The following CDH12 variants were observed in gnomAD, a reference collection of about 807,000 sequenced individuals.
CDH12 encodes the protein cadherin-12.
In CDH12, 41 loss-of-function variants were observed where a neutral mutation model predicts 74.1. The ratio of observed to expected loss-of-function variants is 0.55; its 90% CI spans 0.43 to 0.72. The LOEUF (loss-of-function observed/expected upper bound fraction) is 0.72, where lower values mean the gene tolerates loss of function less well. Among genes scored for constraint, CDH12 ranks in the 30% least tolerant of loss-of-function variants. The probability of loss-of-function intolerance (pLI) is 0.00; values close to 1 mark genes in which losing one functional copy is unlikely to be tolerated. For synonymous variants in CDH12, 399 were observed against 355.0 expected, an observed-to-expected ratio of 1.12 and a Z score of -1.39; for missense variants, 945 against 977.2, an observed-to-expected ratio of 0.97 and a Z score of 0.44.
chr5:22,206,610 G>A (rs531662395), intron 4 of CDH12, among the ~76,000 whole-genome samples: 1 of 133,884 alleles, frequency 7.5e-6, no homozygotes, highest in Admixed American at 8.5e-5. Context: ...AAGTCACATA[G>A]CAGTTGATTC....
At chr5:21,945,427 CAAAAAA>C (rs1167475672) in intron 6 of CDH12, among the ~76,000 whole-genome samples, 555 of 15,098 alleles carry the variant, frequency 0.037, no homozygotes, top group Non-Finnish European at 0.047. Context: ...CTGTTTCAGA[CAAAAAA>C]AAAAAAAAAA....
intron 5 of CDH12, among the ~76,000 whole-genome samples, chr5:21,976,659 A>G (rs1757084810): frequency 6.6e-6 from 1 of 151,912 alleles, no homozygotes; most frequent in Admixed American, 6.6e-5. Context: ...TGATTTCAGT[A>G]TCCAAATTTT....
At chr5:22,266,712 T>G (rs1736133408) in intron 3 of CDH12, among the ~76,000 whole-genome samples, 1 of 152,124 alleles carries the variant, frequency 6.6e-6, no homozygotes, top group Non-Finnish European at 1.5e-5. Flanking sequence ...GAGTATTTTA[T>G]GCTACTGATT....
At chr5:22,463,007 G>T (rs1004833776) in intron 2 of CDH12, among the ~76,000 whole-genome samples, 4 of 152,082 alleles carry the variant, frequency 2.6e-5, no homozygotes, top group African/African-American at 7.2e-5. Context: ...AAACACCTAT[G>T]GTTCCAGTAA....
intron 1 of CDH12, among the ~76,000 whole-genome samples, chr5:22,528,570 G>C (rs187806640): frequency 1.7e-4 from 26 of 152,142 alleles, no homozygotes; most frequent in Admixed American, 1.2e-3. Context: ...ACTCCTTCAG[G>C]GGACACGTAG....
intron 1 of CDH12, among the ~76,000 whole-genome samples, chr5:22,722,064 C>T (rs1454468435): frequency 6.6e-6 from 1 of 152,148 alleles, no homozygotes; most frequent in Non-Finnish European, 1.5e-5. Flanking sequence ...CATATGTCAC[C>T]TTTTCTCTTT....
intron 4 of CDH12, among the ~76,000 whole-genome samples, chr5:22,163,132 C>T (rs1218516248): frequency 1.3e-5 from 2 of 152,062 alleles, no homozygotes; most frequent in African/African-American, 4.8e-5. Flanking sequence ...CCGCCCACCT[C>T]GGCCTCTCCA....
rs543321329 is a variant in CDH12 at position 21,901,500 on chromosome 5, C to A, written c.527-46710G>T. 9.1e-4 allele frequency among the ~76,000 whole-genome samples: 138 copies of A among 152,220 alleles called. 1 individual carries two copies. The highest frequency in any genetic ancestry group is 3.1e-3 in the African/African-American group (128 of 41,540). On this transcript the variant is annotated intron_variant, in intron 6 of 14. Coordinates refer to ENST00000382254, the MANE Select transcript of CDH12 (RefSeq NM_004061.5). Reference sequence around the variant, plus strand: ...TGTTCTACTTCTATGACATTCTTTCCCAACTGACTTTAGAAGTGACATCTC... The same window carrying A: ...TGTTCTACTTCTATGACATTCTTTCACAACTGACTTTAGAAGTGACATCTC...
At chr5:22,327,104 G>T (rs2150442134) in intron 3 of CDH12, among the ~76,000 whole-genome samples, 1 of 152,068 alleles carries the variant, frequency 6.6e-6, no homozygotes. Context: ...GGGCACGAGG[G>T]TGCAGAAAAA....
At chr5:22,532,721 C>T (rs780665521) in intron 1 of CDH12, among the ~76,000 whole-genome samples, 5 of 151,342 alleles carry the variant, frequency 3.3e-5, no homozygotes. Flanking sequence ...CATGGCATGG[C>T]GAAAACCTGA....
At chr5:22,040,474 C>T (rs986841234) in intron 5 of CDH12, among the ~76,000 whole-genome samples, 4 of 152,112 alleles carry the variant, frequency 2.6e-5, no homozygotes, top group African/African-American at 9.7e-5. Context: ...CATATAGTTT[C>T]AACCCAAAGA....
At chr5:22,374,895 C>A (rs1741453342) in intron 3 of CDH12, among the ~76,000 whole-genome samples, 1 of 151,954 alleles carries the variant, frequency 6.6e-6, no homozygotes, top group Admixed American at 6.5e-5. Flanking sequence ...AAGCAATCTA[C>A]AGATTCCATG....
At chr5:21,826,541 C>T (rs1748680237) in intron 8 of CDH12, among the ~76,000 whole-genome samples, 1 of 152,110 alleles carries the variant, frequency 6.6e-6, no homozygotes, top group Admixed American at 6.6e-5. Flanking sequence ...GGTCTTCTGA[C>T]ATTATTCTCT....
At chr5:22,742,426 A>C (rs1288314594) in intron 1 of CDH12, among the ~76,000 whole-genome samples, 3 of 152,094 alleles carry the variant, frequency 2.0e-5, no homozygotes, top group Admixed American at 6.6e-5. Flanking sequence ...GGCTTGCTCT[A>C]AAAAGAAAGC....
intron 6 of CDH12, among the ~76,000 whole-genome samples, chr5:21,860,087 T>A (rs1469651696): frequency 6.6e-6 from 1 of 151,948 alleles, no homozygotes; most frequent in East Asian, 1.9e-4. Flanking sequence ...TAGAAGAAGG[T>A]CATCATCTAT....
chr5:22,827,132 T>C (rs1736381342), intron 1 of CDH12, among the ~76,000 whole-genome samples: 1 of 152,166 alleles, frequency 6.6e-6, no homozygotes, highest in Non-Finnish European at 1.5e-5. Context: ...GACTTGGTGC[T>C]CTGAGTCCCA....
intron 4 of CDH12, among the ~76,000 whole-genome samples, chr5:22,122,417 A>T (rs1745569947): frequency 6.6e-6 from 1 of 152,024 alleles, no homozygotes; most frequent in African/African-American, 2.4e-5. Flanking sequence ...AAACAAAAAC[A>T]AACAAACAAA....
intron 5 of CDH12, among the ~76,000 whole-genome samples, chr5:22,008,261 G>A (rs1737080706): frequency 1.3e-5 from 2 of 150,636 alleles, no homozygotes; most frequent in Admixed American, 6.6e-5. Flanking sequence ...ATGGAGTCTC[G>A]CTCTGTCACC....
chr5:22,366,021 C>T (rs1267303812), intron 3 of CDH12, among the ~76,000 whole-genome samples: 3 of 152,034 alleles, frequency 2.0e-5, no homozygotes, highest in East Asian at 1.9e-4. Context: ...TACAGTGGTG[C>T]GATCTTGGCT....
Sources: gnomAD v4.1 joint callset for allele counts (sites outside exome capture counted in the v4.1 genomes callset) on GRCh38, gnomAD v4.1.1 for gene constraint, MANE v1.5 for transcripts, NCBI Gene and HGNC (gene_info 2026-07-23, HGNC 2026-07-21) for gene names.